Variants in CASK observed in about 807,000 individuals in gnomAD.
The protein encoded by CASK is peripheral plasma membrane protein CASK.
In CASK, 4 loss-of-function variants were observed where a neutral mutation model predicts 82.9. The ratio of observed to expected loss-of-function variants is 0.05; its 90% CI spans 0.02 to 0.11. CASK has a LOEUF of 0.11. Among genes scored for constraint, CASK ranks in the 10% least tolerant of loss-of-function variants. The pLI is 1.00. For missense variants in CASK, 358 were observed against 720.9 expected (o/e 0.50, Z 5.76); for synonymous variants, 259 against 253.5 (o/e 1.02, Z -0.20).
intron 1 of CASK, chrX:41,919,141 T>C (rs1321015739): frequency 8.9e-6 from 1 of 112,424 alleles, no homozygotes; most frequent in Admixed American, 9.4e-5. Flanking sequence ...ACTGTGTTAA[T>C]GGAGAAAGAT....
chrX:41,808,044 T>C (rs1403410263), intron 2 of CASK, among the ~76,000 whole-genome samples: 1 of 110,978 alleles, frequency 9.0e-6, no homozygotes, highest in Non-Finnish European at 1.9e-5. Flanking sequence ...TTGGTAGAGA[T>C]GGGTTTCACC....
chrX:41,879,532 C>A lies in CASK; in HGVS notation c.60-26305G>T, dbSNP rs188714855. Among the ~76,000 whole-genome samples, 172 of 111,576 alleles carry A rather than the reference C, an allele frequency of 1.5e-3. 1 individual carries two copies. The highest frequency in any genetic ancestry group is 5.5e-3 in the African/African-American group (168 of 30,808). Reference sequence around the variant, plus strand: ...TATTTATGAACTACTGTTGACCACACGTAACAAACCATGGAAAGCAAAACC... The same window carrying A: ...TATTTATGAACTACTGTTGACCACAAGTAACAAACCATGGAAAGCAAAACC... On this transcript the variant is annotated intron_variant, in intron 1 of 26. Transcript: ENST00000378163.
At chrX:41,904,525 C>A (rs370710484) in intron 1 of CASK, among the ~76,000 whole-genome samples, 17 of 111,954 alleles carry the variant, frequency 1.5e-4, no homozygotes, top group African/African-American at 4.5e-4. Flanking sequence ...AAACAATACC[C>A]AAATAATAGA....
At chrX:41,671,400 G>A in intron 6 of CASK, 28 bp downstream of exon 6, 1 of 913,373 alleles carries the variant, frequency 1.1e-6, no homozygotes, top group Non-Finnish European at 1.6e-6. Flanking sequence ...AGGTTTTGAA[G>A]AATTTTTTTT....
At chrX:41,672,777 G>A (rs2067213306) in intron 5 of CASK, among the ~76,000 whole-genome samples, 1 of 112,129 alleles carries the variant, frequency 8.9e-6, no homozygotes, top group Non-Finnish European at 1.9e-5. Flanking sequence ...AAGTGTGTAT[G>A]TGAGAGCCAG....
At chrX:41,575,093 C>G (rs1407598837) in intron 15 of CASK, among the ~76,000 whole-genome samples, 2 of 112,009 alleles carry the variant, frequency 1.8e-5, no homozygotes, top group Non-Finnish European at 3.8e-5. Context: ...AATCTAATTT[C>G]ATAAGGGAAA....
At chrX:41,703,562 T>A (rs1339619266) in intron 5 of CASK, among the ~76,000 whole-genome samples, 1 of 112,656 alleles carries the variant, frequency 8.9e-6, no homozygotes, top group Admixed American at 9.4e-5. Context: ...AGTGTTTTAC[T>A]GCATGAATAA....
chrX:41,817,905 T>C (rs1322288595), intron 2 of CASK, among the ~76,000 whole-genome samples: 1 of 111,154 alleles, frequency 9.0e-6, no homozygotes, highest in Middle Eastern at 4.2e-3. Flanking sequence ...AAGAATGATA[T>C]TGGGTTGATG....
chrX:41,761,172 G>A (rs949291670), intron 3 of CASK, among the ~76,000 whole-genome samples: 13 of 112,088 alleles, frequency 1.2e-4, no homozygotes, highest in African/African-American at 4.2e-4. Context: ...CTGATCTCTA[G>A]GAGAGGGAGT....
intron 21 of CASK, among the ~76,000 whole-genome samples, chrX:41,547,661 C>T (rs1428787820): frequency 9.6e-6 from 1 of 104,442 alleles, no homozygotes; most frequent in African/African-American, 3.5e-5. Context: ...CTTGCTCTGT[C>T]GCCCAGGCTG....
At chrX:41,857,459 C>A (rs1358237196) in intron 1 of CASK, among the ~76,000 whole-genome samples, 2 of 111,018 alleles carry the variant, frequency 1.8e-5, no homozygotes, top group Admixed American at 1.9e-4. Flanking sequence ...AAGATAGAAC[C>A]AAAAACAAAC....
At chrX:41,753,299 A>C (rs2068828505) in intron 3 of CASK, among the ~76,000 whole-genome samples, 1 of 110,500 alleles carries the variant, frequency 9.0e-6, no homozygotes, top group Non-Finnish European at 1.9e-5. Flanking sequence ...ATAGGAAATC[A>C]GTTCTGTTAA....
intron 1 of CASK, among the ~76,000 whole-genome samples, chrX:41,873,667 C>T (rs896539270): frequency 8.1e-5 from 9 of 111,614 alleles, no homozygotes; most frequent in South Asian, 7.4e-4. Context: ...CATCAAAAAG[C>T]CATTATCATT....
chrX:41,776,474 T>C (rs1157263203), intron 3 of CASK, among the ~76,000 whole-genome samples: 1 of 112,600 alleles, frequency 8.9e-6, no homozygotes, highest in African/African-American at 3.2e-5. Context: ...GTTTTATCCA[T>C]TGTAATAAAG....
At chrX:41,606,377 T>C (rs759578273) in intron 12 of CASK, among the ~76,000 whole-genome samples, 2 of 112,304 alleles carry the variant, frequency 1.8e-5, no homozygotes, top group East Asian at 5.6e-4. Flanking sequence ...GTGATTCTCC[T>C]GCCTCAGCCT....
chrX:41,896,872 C>T (rs1384206955), intron 1 of CASK, among the ~76,000 whole-genome samples: 2 of 111,736 alleles, frequency 1.8e-5, no homozygotes, highest in African/African-American at 6.5e-5. Context: ...TGCTATCAAA[C>T]ACTAGATTTT....
At chrX:41,826,728 C>T (rs2070675172) in intron 2 of CASK, among the ~76,000 whole-genome samples, 1 of 111,904 alleles carries the variant, frequency 8.9e-6, no homozygotes, top group Admixed American at 9.5e-5. Context: ...CTGCCCACCT[C>T]GACTTCCCAA....
intron 14 of CASK, among the ~76,000 whole-genome samples, chrX:41,580,771 T>G (rs143458450): frequency 8.9e-6 from 1 of 112,088 alleles, no homozygotes; most frequent in Non-Finnish European, 1.9e-5. Flanking sequence ...AAACCAAAAT[T>G]TGAACATTTT....
chrX:41,770,685 G>A (rs966647377), intron 3 of CASK, among the ~76,000 whole-genome samples: 3 of 110,363 alleles, frequency 2.7e-5, no homozygotes, highest in Non-Finnish European at 5.7e-5. Context: ...CACCATGCCC[G>A]GCCAAAAAAT....
Sources: gnomAD v4.1 joint callset for allele counts (sites outside exome capture counted in the v4.1 genomes callset) on GRCh38, gnomAD v4.1.1 for gene constraint, MANE v1.5 for transcripts, NCBI Gene and HGNC (gene_info 2026-07-23, HGNC 2026-07-21) for gene names.